ZNF91: variants seen among roughly 807,000 people sequenced by gnomAD.
The protein encoded by ZNF91 is zinc finger protein 91 (HPF7, HTF10).
A neutral mutation model predicts 12.6 loss-of-function variants in ZNF91; 7 were observed. The ratio of observed to expected loss-of-function variants is 0.55; its 90% CI spans 0.31 to 1.04. The LOEUF (loss-of-function observed/expected upper bound fraction) is 1.04. Among genes scored for constraint, ZNF91 ranks in the 50% least tolerant of loss-of-function variants. The pLI, the probability that ZNF91 is intolerant of heterozygous loss-of-function variation, is 0.05. For synonymous variants in ZNF91, 453 were observed against 462.6 expected, an observed-to-expected ratio of 0.98 and a Z score of 0.27; for missense variants, 1,217 against 1,385.4, an observed-to-expected ratio of 0.88 and a Z score of 1.93.
intron 3 of ZNF91, among the ~76,000 whole-genome samples, chr19:23,344,307 G>T (rs2145011842): frequency 6.6e-6 from 1 of 152,110 alleles, no homozygotes; most frequent in East Asian, 1.9e-4. Flanking sequence ...TGTTAGCCAG[G>T]ATGGTCTCGA....
chr19:23,334,282 C>T (rs1313033591), downstream of ZNF91, among the ~76,000 whole-genome samples: 1 of 151,998 alleles, frequency 6.6e-6, no homozygotes, highest in Non-Finnish European at 1.5e-5. Context: ...AGATACTGGC[C>T]TTAGGAAAAT....
chr19:23,378,328 T>C (rs1225586136), intron 1 of ZNF91, among the ~76,000 whole-genome samples: 1 of 152,122 alleles, frequency 6.6e-6, no homozygotes, highest in Non-Finnish European at 1.5e-5. Flanking sequence ...GGGCAAGACT[T>C]AAATAAGGCC....
At chr19:23,323,201 CCT>C (rs1391324070) in intron 1 of ZNF91, among the ~76,000 whole-genome samples, 2 of 149,160 alleles carry the variant, frequency 1.3e-5, no homozygotes, top group African/African-American at 5.0e-5. Flanking sequence ...TCCACATTCT[CCT>C]CTTCCTCTTA....
chr19:23,346,116 T>C (rs1476034843), intron 3 of ZNF91, among the ~76,000 whole-genome samples: 2 of 152,104 alleles, frequency 1.3e-5, no homozygotes, highest in African/African-American at 4.8e-5. Context: ...CATTCCCTTC[T>C]CCCTCACTGA....
intron 1 of ZNF91, among the ~76,000 whole-genome samples, chr19:23,331,494 ACT>A (rs747906773): frequency 2.6e-5 from 4 of 152,204 alleles, no homozygotes; most frequent in Admixed American, 2.0e-4. Context: ...CTGTAAAATT[ACT>A]CTTTCTTCAG....
At chr19:23,390,737 AT>A (rs200137310) in intron 1 of ZNF91, among the ~76,000 whole-genome samples, 11,852 of 150,384 alleles carry the variant, frequency 0.079, 582 homozygotes, top group East Asian at 0.13. Context: ...TTCTTATTGT[AT>A]TTTTTTTTAG....
In ZNF91 at chr19:23,346,553, G is replaced by A. The variant is rs190444308; in HGVS notation, c.254-7499C>T. On this transcript the variant is annotated intron_variant, in intron 3 of 3. Coordinates refer to the ZNF91 transcript ENST00000599743. The stretch of plus-strand genomic sequence containing the variant: ...CTCTCTTGTTTAACTGACGCCATGA[G>A]AAAGTATACCAACGTAGACCCAGCT... 4.4e-4 allele frequency among the ~76,000 whole-genome samples: 67 copies of A among 152,282 alleles called. No homozygotes were observed. In the Middle Eastern group the frequency reaches 0.01, roughly 23 times the overall value.
chr19:23,327,300 A>C (rs1967855136), intron 1 of ZNF91: 1 of 152,212 alleles, frequency 6.6e-6, no homozygotes, highest in Non-Finnish European at 1.5e-5. Context: ...TTATTGTTAA[A>C]AACAACAAAG....
intron 3 of ZNF91, among the ~76,000 whole-genome samples, chr19:23,368,752 T>C (rs1346721612): frequency 1.3e-5 from 2 of 151,862 alleles, no homozygotes; most frequent in African/African-American, 4.8e-5. Context: ...ATTTACAAAT[T>C]ACATGTGATA....
Position 23,359,305 on chromosome 19 carries a change from C to T in ZNF91, c.*98G>A, listed in dbSNP as rs1285695269. On this transcript the variant is annotated 3_prime_UTR_variant, in exon 4 of 4. Coordinates refer to ENST00000300619, the MANE Select transcript of ZNF91 (RefSeq NM_003430.4). Reference sequence around the variant, plus strand: ...TGGCGTGATCTCGGCTCACTGCAAGCTCCGCCTCCCGGGTTCACGCCATTC... The same window carrying T: ...TGGCGTGATCTCGGCTCACTGCAAGTTCCGCCTCCCGGGTTCACGCCATTC... 3.8e-6 allele frequency: 2 copies of T among 530,198 alleles called. No homozygotes were observed. The highest frequency in any genetic ancestry group is 6.7e-5 in the East Asian group (2 of 29,810). The allele number at this position is 530,198 out of a possible 1,614,324, so 32.8% of individuals were successfully genotyped here.
chr19:23,313,781 T>C (rs1446853678), upstream of ZNF91, among the ~76,000 whole-genome samples: 14 of 152,172 alleles, frequency 9.2e-5, no homozygotes, highest in Non-Finnish European at 1.9e-4. Flanking sequence ...CACAGGTGGG[T>C]TGGTGAATCT....
chr19:23,347,760 G>C (rs10413349), intron 3 of ZNF91, among the ~76,000 whole-genome samples: 4 of 152,084 alleles, frequency 2.6e-5, no homozygotes, highest in African/African-American at 9.7e-5. Context: ...CTGCCACTCA[G>C]TATCACCCCA....
At chr19:23,375,036 A>G (rs1403005996) in intron 1 of ZNF91, among the ~76,000 whole-genome samples, 1 of 152,220 alleles carries the variant, frequency 6.6e-6, no homozygotes, top group Non-Finnish European at 1.5e-5. Flanking sequence ...AATATTAACA[A>G]GTACATTTTT....
chr19:23,373,016 C>T (rs1969346660), intron 3 of ZNF91, among the ~76,000 whole-genome samples: 1 of 152,148 alleles, frequency 6.6e-6, no homozygotes, highest in Non-Finnish European at 1.5e-5. Flanking sequence ...CTTTTAACAA[C>T]ACAACTAAAG....
chr19:23,332,258 T>G (rs1967940325), intron 1 of ZNF91, among the ~76,000 whole-genome samples: 1 of 152,232 alleles, frequency 6.6e-6, no homozygotes, highest in Non-Finnish European at 1.5e-5. Flanking sequence ...GTTAGCTTTT[T>G]TACATAGAAA....
At chr19:23,366,705 C>G (rs1244347263) in intron 3 of ZNF91, among the ~76,000 whole-genome samples, 2 of 152,158 alleles carry the variant, frequency 1.3e-5, no homozygotes, top group African/African-American at 4.8e-5. Context: ...TCTAACAAAC[C>G]AGCTTTCATT....
At chr19:23,388,005 G>C (rs961161074) in intron 1 of ZNF91, among the ~76,000 whole-genome samples, 9 of 150,634 alleles carry the variant, frequency 6.0e-5, no homozygotes, top group Admixed American at 2.0e-4. Context: ...CAGCACTTTG[G>C]GAGGCAGAGG....
intron 3 of ZNF91, among the ~76,000 whole-genome samples, chr19:23,347,416 A>G (rs773589338): frequency 1.3e-5 from 2 of 152,002 alleles, no homozygotes; most frequent in Admixed American, 6.6e-5. Context: ...ACCCCAGACA[A>G]TCCTATTTTG....
chr19:23,355,010 T>G (rs951344643), downstream of ZNF91, among the ~76,000 whole-genome samples: 1 of 152,116 alleles, frequency 6.6e-6, no homozygotes, highest in South Asian at 2.1e-4. Context: ...ATGGGTAGAA[T>G]AATTTGTGAA....
Sources: gnomAD v4.1 joint callset for allele counts (sites outside exome capture counted in the v4.1 genomes callset) on GRCh38, gnomAD v4.1.1 for gene constraint, MANE v1.5 for transcripts, NCBI Gene and HGNC (gene_info 2026-07-23, HGNC 2026-07-21) for gene names.